HS3ST5: variants seen among roughly 807,000 people sequenced by gnomAD.
HS3ST5 encodes heparan sulfate glucosamine 3-O-sulfotransferase 5.
HS3ST5 carries 10 observed loss-of-function variants against 25.4 expected under a neutral mutation model. The ratio of observed to expected loss-of-function variants is 0.39; its 90% CI spans 0.24 to 0.67. HS3ST5 has a LOEUF of 0.67. HS3ST5 is among the 30% of genes least tolerant of loss of function. The pLI is 0.44. For synonymous variants in HS3ST5, 170 were observed against 162.4 expected (o/e 1.05, Z -0.36); for missense variants, 324 against 420.7 (o/e 0.77, Z 2.01).
intron 1 of HS3ST5, among the ~76,000 whole-genome samples, chr6:114,273,460 T>C (rs773065644): frequency 6.6e-6 from 1 of 152,008 alleles, no homozygotes; most frequent in South Asian, 2.1e-4. Flanking sequence ...AGCCTATTGA[T>C]GGTATTTAAG....
chr6:114,333,946 A>G (rs1448349232), intron 1 of HS3ST5, among the ~76,000 whole-genome samples: 1 of 152,102 alleles, frequency 6.6e-6, no homozygotes, highest in African/African-American at 2.4e-5. Context: ...CAGCTACCCA[A>G]GCATCTGCAA....
intron 1 of HS3ST5, among the ~76,000 whole-genome samples, chr6:114,259,992 T>A (rs1180023323): frequency 6.6e-6 from 1 of 152,202 alleles, no homozygotes; most frequent in Non-Finnish European, 1.5e-5. Context: ...TCAAGTTGAG[T>A]TATTCCAATG....
chr6:114,256,247 G>T (rs1031600926), intron 1 of HS3ST5, among the ~76,000 whole-genome samples: 2 of 151,972 alleles, frequency 1.3e-5, no homozygotes, highest in Non-Finnish European at 2.9e-5. Context: ...AATTAGCTGG[G>T]CGTGGTGGTG....
chr6:114,294,229 A>T (rs537469253), intron 1 of HS3ST5, among the ~76,000 whole-genome samples: 1 of 152,168 alleles, frequency 6.6e-6, no homozygotes, highest in Non-Finnish European at 1.5e-5. Flanking sequence ...CAGAAAAAAA[A>T]CCTGCGGAAT....
intron 1 of HS3ST5, among the ~76,000 whole-genome samples, chr6:114,321,441 T>C (rs770709637): frequency 4.2e-4 from 64 of 152,218 alleles, no homozygotes; most frequent in Non-Finnish European, 7.1e-4. Context: ...TAAAACTCTT[T>C]ATTATCCTGC....
At chr6:114,089,233 C>T (rs1203898807) in intron 3 of HS3ST5, among the ~76,000 whole-genome samples, 1 of 152,184 alleles carries the variant, frequency 6.6e-6, no homozygotes, top group Non-Finnish European at 1.5e-5. Flanking sequence ...GAATTTCAGC[C>T]AACCATTAAA....
intron 1 of HS3ST5, among the ~76,000 whole-genome samples, chr6:114,287,718 A>G (rs1461195706): frequency 2.6e-5 from 4 of 152,038 alleles, no homozygotes; most frequent in African/African-American, 9.7e-5. Context: ...TATTCAAATC[A>G]AACAAACATC....
At chr6:114,095,770 A>G (rs1775392027) in intron 3 of HS3ST5, among the ~76,000 whole-genome samples, 1 of 152,104 alleles carries the variant, frequency 6.6e-6, no homozygotes, top group African/African-American at 2.4e-5. Context: ...TAAAGCAGAA[A>G]CCTGGTTTAT....
rs567641030 is a variant in HS3ST5, at chr6:114,263,034, T to G, written c.-338-34256A>C. 3.3e-5 allele frequency among the ~76,000 whole-genome samples: 5 copies of G among 152,280 alleles called. No individual in the cohort carries two copies. The South Asian group carries it at 1.0e-3, about 32-fold the overall frequency. ...TCAGTTGCTGTTTCCCTTAAGTTCT[T>G]TATTTAAGTTTGATTTCTTTTAAGT... On this transcript the variant is annotated intron_variant, in intron 1 of 4. Coordinates refer to ENST00000312719, the MANE Select transcript of HS3ST5 (RefSeq NM_153612.4).
intron 1 of HS3ST5, among the ~76,000 whole-genome samples, chr6:114,233,126 A>T (rs1217167589): frequency 3.3e-5 from 5 of 151,902 alleles, no homozygotes; most frequent in Non-Finnish European, 5.9e-5. Context: ...GTAGGCACTC[A>T]ACAAATATTT....
chr6:114,242,252 GGATT>G lies in HS3ST5; in HGVS notation c.-338-13478_-338-13475del, dbSNP rs1010502994. 5.3e-4 allele frequency among the ~76,000 whole-genome samples: 80 copies of G among 151,910 alleles called. 1 individual carries two copies. The highest frequency in any genetic ancestry group is 1.9e-3 in the African/African-American group (79 of 41,456). ...TTACATATTGAAATAATAATATTTT[GGATT>G]TATTTAATTAAGCATATTATTAAAT... On this transcript the variant is annotated intron_variant, in intron 1 of 4. Coordinates refer to ENST00000312719, the MANE Select transcript of HS3ST5 (RefSeq NM_153612.4).
At chr6:114,080,071 T>C (rs895257774) in intron 3 of HS3ST5, among the ~76,000 whole-genome samples, 1 of 152,132 alleles carries the variant, frequency 6.6e-6, no homozygotes, top group Admixed American at 6.5e-5. Context: ...GCCACCACGC[T>C]CGGCCTGCAA....
intron 3 of HS3ST5, among the ~76,000 whole-genome samples, chr6:114,080,069 G>A (rs562319299): frequency 3.3e-5 from 5 of 152,274 alleles, no homozygotes; most frequent in South Asian, 2.1e-4. Context: ...GAGCCACCAC[G>A]CTCGGCCTGC....
intron 1 of HS3ST5, among the ~76,000 whole-genome samples, chr6:114,262,494 C>T (rs1773221360): frequency 6.6e-6 from 1 of 151,836 alleles, no homozygotes; most frequent in African/African-American, 2.4e-5. Flanking sequence ...TTGCAGTGAG[C>T]TGAGACTGTG....
intron 1 of HS3ST5, among the ~76,000 whole-genome samples, chr6:114,247,129 A>T (rs1270159509): frequency 6.6e-6 from 1 of 152,182 alleles, no homozygotes; most frequent in Non-Finnish European, 1.5e-5. Flanking sequence ...AATTCACTCA[A>T]CTGTGGGTTA....
intron 3 of HS3ST5, among the ~76,000 whole-genome samples, chr6:114,111,289 A>G (rs1227513834): frequency 6.6e-6 from 1 of 152,244 alleles, no homozygotes; most frequent in Non-Finnish European, 1.5e-5. Flanking sequence ...ATGAGATGGC[A>G]CATATTTGTA....
At chr6:114,341,572 C>T (rs1678098747) in intron 1 of HS3ST5, among the ~76,000 whole-genome samples, 1 of 149,492 alleles carries the variant, frequency 6.7e-6, no homozygotes, top group Non-Finnish European at 1.5e-5. Context: ...TATGACCACC[C>T]TTCGACTGCA....
chr6:114,119,683 T>C (rs902936676), intron 3 of HS3ST5, among the ~76,000 whole-genome samples: 4 of 152,188 alleles, frequency 2.6e-5, no homozygotes, highest in African/African-American at 9.6e-5. Context: ...ATTTAGCATA[T>C]TCAATTACAA....
intron 3 of HS3ST5, among the ~76,000 whole-genome samples, chr6:114,167,067 C>A (rs76629854): frequency 3.4e-4 from 52 of 152,300 alleles, no homozygotes; most frequent in East Asian, 9.6e-4. Context: ...CTCATTGCGG[C>A]CTTAAATTCC....
Sources: allele counts gnomAD v4.1 joint callset (sites outside exome capture counted in the v4.1 genomes callset), GRCh38; gene constraint gnomAD v4.1.1; transcripts MANE v1.5; gene names NCBI Gene and HGNC (gene_info 2026-07-23, HGNC 2026-07-21).